ZNF251: variants seen among roughly 807,000 people sequenced by gnomAD.
ZNF251 encodes the protein zinc finger protein 251.
Under a neutral mutation model 13.5 loss-of-function variants are expected in ZNF251, and 14 were observed. That is an observed-to-expected ratio of 1.04 (90% CI 0.69 to 1.63). ZNF251 has a LOEUF of 1.63. ZNF251 is among the 40% of genes most tolerant of loss of function. The pLI is 0.00. For synonymous variants in ZNF251, 287 were observed against 295.2 expected, an observed-to-expected ratio of 0.97 and a Z score of 0.28; for missense variants, 764 against 834.9, an observed-to-expected ratio of 0.92 and a Z score of 1.05.
intron 4 of ZNF251, among the ~76,000 whole-genome samples, chr8:144,752,559 A>G (rs959296102): frequency 2.6e-5 from 4 of 152,240 alleles, no homozygotes; most frequent in Admixed American, 6.5e-5. Flanking sequence ...AGAAAACGAT[A>G]TAATTTTACA....
intron 4 of ZNF251, among the ~76,000 whole-genome samples, chr8:144,748,892 C>T (rs1824557076): frequency 6.6e-6 from 1 of 152,134 alleles, no homozygotes; most frequent in East Asian, 1.9e-4. Flanking sequence ...ACAGTTGGGG[C>T]CAGGCACTGT....
In ZNF251 at chr8:144,722,080, T is replaced by C; in HGVS notation, c.1580A>G (p.His527Arg). The C allele has an allele frequency of 6.2e-7, 1 of 1,613,920 alleles. No individual in the cohort carries two copies. The highest frequency in any genetic ancestry group is 2.2e-5 in the East Asian group (1 of 44,852). Reference protein sequence around the residue: ...KCRKHGPAFVHGSSLTADGQI... With the variant: ...KCRKHGPAFVRGSSLTADGQI... ...TCCATCTGCTGTGAGGCTGGAGCCA[T>C]GAACAAAGGCTGGACCATGTTTTCT... Residue 527 changes from histidine (H) to arginine (R), a missense_variant, in exon 5 of 5, where the codon CAT (histidine) becomes CGT (arginine). By Grantham distance (29) the His-to-Arg change is conservative. Coordinates refer to ENST00000292562, the MANE Select transcript of ZNF251 (RefSeq NM_138367.2). The surrounding 1 kb of genome is among the most constrained non-coding windows in gnomAD (Gnocchi z 4.8).
intron 4 of ZNF251, among the ~76,000 whole-genome samples, chr8:144,750,481 TA>T (rs527503414): frequency 6.8e-4 from 103 of 152,334 alleles, no homozygotes; most frequent in African/African-American, 2.3e-3. Flanking sequence ...TAAGTTCTGA[TA>T]AAAACACCAG....
chr8:144,724,229 T>C (rs915197865), intron 4 of ZNF251, among the ~76,000 whole-genome samples: 28 of 115,922 alleles, frequency 2.4e-4, no homozygotes, highest in African/African-American at 7.6e-4. Flanking sequence ...GCCACTGCAC[T>C]CCAGCCCGGG....
intron 2 of ZNF251, 90 bp downstream of exon 2, chr8:144,754,606 G>C: frequency 6.7e-7 from 1 of 1,501,838 alleles, no homozygotes; most frequent in South Asian, 1.4e-5. Context: ...GGCCTTACCA[G>C]TTGCCGGGCT....
At chr8:144,723,618 A>G (rs1020659837) in intron 4 of ZNF251, among the ~76,000 whole-genome samples, 33 of 152,246 alleles carry the variant, frequency 2.2e-4, no homozygotes, top group Admixed American at 2.6e-4. Context: ...TTTTTCACCT[A>G]TCAAATTGGC....
At chr8:144,736,000 C>T (rs1232995034) in intron 4 of ZNF251, among the ~76,000 whole-genome samples, 1 of 152,230 alleles carries the variant, frequency 6.6e-6, no homozygotes, top group Non-Finnish European at 1.5e-5. Context: ...ATTATTTTCC[C>T]TGAGCACCTG....
chr8:144,754,335 TC>T lies in ZNF251; in HGVS notation c.34-15del. On this transcript the variant is annotated splice_polypyrimidine_tract_variant and intron_variant, in intron 2 of 4. Transcript: ENST00000292562. Reference sequence around the variant, plus strand: ...CAGCGGCATCTCCTGCAACAAAACATCGCCGCTGCCCAGGCCATGCCCACGG... The same window carrying T: ...CAGCGGCATCTCCTGCAACAAAACATGCCGCTGCCCAGGCCATGCCCACGG... 6.3e-7 allele frequency: 1 copy of T among 1,592,170 alleles called. No individual in the cohort carries two copies. Among genetic ancestry groups the T allele is most frequent in the Admixed American group, 1.8e-5 (1 of 56,348 alleles).
intron 4 of ZNF251, among the ~76,000 whole-genome samples, chr8:144,746,690 T>C (rs1824445963): frequency 1.3e-5 from 2 of 152,338 alleles, no homozygotes; most frequent in African/African-American, 4.8e-5. Context: ...AGATTGTCTA[T>C]TTCTTCCCGT....
Position 144,724,161 on chromosome 8 carries a change from G to A in ZNF251, c.278-779C>T, listed in dbSNP as rs577171100. ...CAGGAGGCTGAGGCAGGAGAATGGC[G>A]TGAACCCAGGAGGCGGAGCGAACCC... On this transcript the variant is annotated intron_variant, in intron 4 of 4. Transcript: ENST00000292562. 2.4e-3 allele frequency among the ~76,000 whole-genome samples: 368 copies of A among 150,252 alleles called. 1 individual carries two copies. The highest frequency in any genetic ancestry group is 3.8e-3 in the Non-Finnish European group (260 of 67,566).
At chr8:144,730,043 G>T (rs906645693) in intron 4 of ZNF251, 1 of 985,328 alleles carries the variant, frequency 1.0e-6, no homozygotes, top group African/African-American at 1.7e-5. Flanking sequence ...ACTCGAGGCC[G>T]CTCACTCACT....
intron 4 of ZNF251, among the ~76,000 whole-genome samples, chr8:144,724,100 C>T (rs1430539711): frequency 6.6e-6 from 1 of 151,880 alleles, no homozygotes; most frequent in East Asian, 1.9e-4. Context: ...AAAAATTAGC[C>T]AGTCGAGGTG....
At chr8:144,742,932 G>C (rs888860247) in intron 4 of ZNF251, among the ~76,000 whole-genome samples, 2 of 152,172 alleles carry the variant, frequency 1.3e-5, no homozygotes, top group Non-Finnish European at 2.9e-5. Context: ...CCACATATAA[G>C]TGGACCTGGG....
intron 1 of ZNF251, 34 bp from the exon 2 acceptor site, chr8:144,754,837 C>G (rs763246500): frequency 2.7e-6 from 4 of 1,509,088 alleles, no homozygotes; most frequent in Non-Finnish European, 3.5e-6. Context: ...CAGCCCCATT[C>G]AACCAGGGGT....
At chr8:144,733,144 G>A (rs557277429) in intron 4 of ZNF251, among the ~76,000 whole-genome samples, 8 of 152,098 alleles carry the variant, frequency 5.3e-5, no homozygotes, top group East Asian at 1.9e-4. Flanking sequence ...GCTTGAACCC[G>A]GGAGGCAGAG....
chr8:144,753,886 T>C, intron 3 of ZNF251, 90 bp from the exon 4 acceptor site: 1 of 988,090 alleles, frequency 1.0e-6, no homozygotes, highest in Non-Finnish European at 1.5e-6. Context: ...TGCACGTGTG[T>C]ACGCCTGCAC....
At chr8:144,735,054 C>G (rs147876605) in intron 4 of ZNF251, among the ~76,000 whole-genome samples, 1,839 of 147,556 alleles carry the variant, frequency 0.012, 20 homozygotes, top group Middle Eastern at 0.019. Context: ...AGCCAGGGGA[C>G]AAAGCAAGAC....
chr8:144,739,564 A>G (rs768736103), intron 4 of ZNF251, among the ~76,000 whole-genome samples: 1 of 152,130 alleles, frequency 6.6e-6, no homozygotes, highest in Non-Finnish European at 1.5e-5. Flanking sequence ...TATGAACTAC[A>G]TAGCAACAAA....
intron 4 of ZNF251, among the ~76,000 whole-genome samples, chr8:144,732,774 T>A (rs999010344): frequency 7.1e-5 from 10 of 141,190 alleles, no homozygotes; most frequent in Non-Finnish European, 1.2e-4. Context: ...ATCGCACCAC[T>A]GCACTCCAGC....
Sources: gnomAD v4.1 joint callset for allele counts (sites outside exome capture counted in the v4.1 genomes callset) on GRCh38, gnomAD v4.1.1 for gene constraint, Gnocchi (gnomAD v3.1) non-coding constraint, MANE v1.5 for transcripts, NCBI Gene and HGNC (gene_info 2026-07-23, HGNC 2026-07-21) for gene names.